Variants in CSMD1 observed in about 807,000 individuals in gnomAD.
CSMD1 encodes the protein CUB and sushi domain-containing protein 1.
Under a neutral mutation model 417.5 loss-of-function variants are expected in CSMD1, and 213 were observed. The ratio of observed to expected loss-of-function variants is 0.51; its 90% CI spans 0.46 to 0.57. CSMD1 has a LOEUF of 0.57. Ranked by LOEUF, CSMD1 falls within the 20% of genes least tolerant of loss-of-function variation. The pLI is 0.00. For missense variants in CSMD1, 6,923 were observed against 4,529.7 expected (o/e 1.53, Z -15.17); for synonymous variants, 2,862 against 1,736.8 (o/e 1.65, Z -16.11).
chr8:4,388,368 C>G (rs1423572629), intron 3 of CSMD1, among the ~76,000 whole-genome samples: 2 of 151,558 alleles, frequency 1.3e-5, no homozygotes, highest in South Asian at 4.2e-4. Context: ...GACTGCTACT[C>G]AGCCATAAAA....
intron 3 of CSMD1, among the ~76,000 whole-genome samples, chr8:4,034,504 T>C (rs1485400452): frequency 6.6e-6 from 1 of 152,202 alleles, no homozygotes; most frequent in African/African-American, 2.4e-5. Flanking sequence ...ACATGTGTGC[T>C]GTTTATAGTA....
chr8:3,402,430 T>C (rs1216460991), intron 15 of CSMD1, among the ~76,000 whole-genome samples: 1 of 152,188 alleles, frequency 6.6e-6, no homozygotes, highest in Admixed American at 6.6e-5. Flanking sequence ...CCAAAATAGC[T>C]TGAGATTTTC....
intron 1 of CSMD1, among the ~76,000 whole-genome samples, chr8:4,814,568 AT>A (rs1257432612): frequency 6.6e-6 from 1 of 152,178 alleles, no homozygotes. Flanking sequence ...CAGAATAATG[AT>A]TTATTCAATG....
At chr8:3,960,461 G>A (rs1812248983) in intron 5 of CSMD1, among the ~76,000 whole-genome samples, 1 of 152,106 alleles carries the variant, frequency 6.6e-6, no homozygotes, top group African/African-American at 2.4e-5. Context: ...CAACACAGGG[G>A]CGAATATTAT....
At chr8:4,750,481 C>T (rs1179915901) in intron 1 of CSMD1, among the ~76,000 whole-genome samples, 2 of 152,038 alleles carry the variant, frequency 1.3e-5, no homozygotes, top group Admixed American at 6.5e-5. Context: ...ATGGGCAATG[C>T]CTCTTAATTT....
At chr8:3,530,124 A>G (rs147754692) in intron 10 of CSMD1, among the ~76,000 whole-genome samples, 1 of 152,222 alleles carries the variant, frequency 6.6e-6, no homozygotes, top group East Asian at 1.9e-4. Flanking sequence ...TCAAAAAGCA[A>G]CTTGGTTTAA....
intron 29 of CSMD1, among the ~76,000 whole-genome samples, chr8:3,217,949 T>G (rs773974913): frequency 6.6e-6 from 1 of 152,038 alleles, no homozygotes; most frequent in Non-Finnish European, 1.5e-5. Flanking sequence ...AATTGATATT[T>G]TGTTAAGTCC....
At chr8:3,158,157 C>T (rs938593114) in intron 38 of CSMD1, among the ~76,000 whole-genome samples, 191 bp from the exon 39 acceptor site, 5 of 152,110 alleles carry the variant, frequency 3.3e-5, no homozygotes, top group Admixed American at 3.3e-4. Flanking sequence ...AGAAAAGTAT[C>T]CATTTTCACC....
intron 1 of CSMD1, among the ~76,000 whole-genome samples, chr8:4,678,506 G>C (rs1028825891): frequency 1.3e-5 from 2 of 152,082 alleles, no homozygotes; most frequent in Non-Finnish European, 2.9e-5. Flanking sequence ...TAGTTCTTGA[G>C]TTACTGTAGA....
At chr8:4,624,039 G>C (rs2725023) in intron 2 of CSMD1, among the ~76,000 whole-genome samples, 66,454 of 151,922 alleles carry the variant, frequency 0.44, 15,440 homozygotes, top group East Asian at 0.83. Flanking sequence ...CATTCATCAA[G>C]CTAGTATTCA....
At chr8:4,512,750 T>C (rs1036200142) in intron 2 of CSMD1, among the ~76,000 whole-genome samples, 1 of 151,576 alleles carries the variant, frequency 6.6e-6, no homozygotes, top group East Asian at 1.9e-4. Flanking sequence ...AAAATGTATA[T>C]GAAGAACTCT....
chr8:4,711,498 A>G (rs768929033), intron 1 of CSMD1, among the ~76,000 whole-genome samples: 1 of 152,174 alleles, frequency 6.6e-6, no homozygotes, highest in African/African-American at 2.4e-5. Flanking sequence ...ATTTTCAGAG[A>G]AAGTATTTTT....
chr8:4,816,241 G>C (rs1380676266), intron 1 of CSMD1, among the ~76,000 whole-genome samples: 1 of 152,054 alleles, frequency 6.6e-6, no homozygotes, highest in East Asian at 1.9e-4. Context: ...TTGGAGTGCA[G>C]TAGTGCAATC....
At chr8:3,147,023 G>A (rs556972774) in intron 40 of CSMD1, among the ~76,000 whole-genome samples, 1 of 151,994 alleles carries the variant, frequency 6.6e-6, no homozygotes, top group Admixed American at 6.6e-5. Context: ...GGGCAATAAC[G>A]TCTTATATTC....
chr8:3,363,489 G>C (rs148884685), intron 20 of CSMD1, among the ~76,000 whole-genome samples: 1 of 151,878 alleles, frequency 6.6e-6, no homozygotes, highest in African/African-American at 2.4e-5. Flanking sequence ...GAGGAGTTTT[G>C]CCTGGTGAAA....
At chr8:3,637,986 T>A (rs939346250) in intron 7 of CSMD1, among the ~76,000 whole-genome samples, 7 of 152,188 alleles carry the variant, frequency 4.6e-5, no homozygotes, top group African/African-American at 1.7e-4. Flanking sequence ...CCTCCTCAGT[T>A]ATGTGGAACC....
At chr8:4,667,557 C>G (rs1805019800) in intron 1 of CSMD1, among the ~76,000 whole-genome samples, 1 of 151,684 alleles carries the variant, frequency 6.6e-6, no homozygotes, top group South Asian at 2.1e-4. Flanking sequence ...TATTGTAGTT[C>G]AAAATTCAGA....
intron 2 of CSMD1, among the ~76,000 whole-genome samples, chr8:4,504,750 G>A (rs567443533): frequency 1.3e-5 from 2 of 152,188 alleles, no homozygotes; most frequent in African/African-American, 4.8e-5. Context: ...TTCTGTTCCT[G>A]TGTTAGTTTG....
rs929757805 is a variant in CSMD1 at position 2,973,899 on chromosome 8, A to G, written c.8740+552T>C. ...GAGGATGATGGTAGAGGATGATGGT[A>G]GAGGATGGTGGTAGAGGATGGTGGT... On this transcript the variant is annotated intron_variant, in intron 56 of 69. Coordinates refer to ENST00000635120, the MANE Select transcript of CSMD1 (RefSeq NM_033225.6). Among the ~76,000 whole-genome samples, 5 of 148,984 alleles carry G rather than the reference A, an allele frequency of 3.4e-5. No homozygotes were observed. In the East Asian group the frequency reaches 7.9e-4, roughly 24 times the overall value.
Sources: allele counts gnomAD v4.1 joint callset (sites outside exome capture counted in the v4.1 genomes callset), GRCh38; gene constraint gnomAD v4.1.1; transcripts MANE v1.5; gene names NCBI Gene and HGNC (gene_info 2026-07-23, HGNC 2026-07-21).